The following VWA3B variants were observed in gnomAD, a reference collection of about 807,000 sequenced individuals.
VWA3B encodes von Willebrand factor A domain containing 3B, also known as von Willebrand factor A domain-containing protein 3B.
A neutral mutation model predicts 158.3 loss-of-function variants in VWA3B; 138 were observed. The observed-to-expected ratio is 0.87, with a 90% CI of 0.76 to 1.00. VWA3B has a LOEUF of 1.00. Among genes scored for constraint, VWA3B ranks in the 50% least tolerant of loss-of-function variants. VWA3B has a pLI of 0.00. For missense variants in VWA3B, 1,555 were observed against 1,565.1 expected, an observed-to-expected ratio of 0.99 and a Z score of 0.11; for synonymous variants, 596 against 587.3, an observed-to-expected ratio of 1.01 and a Z score of -0.21.
At chr2:98,291,089 G>A (rs1689467903) in intron 23 of VWA3B, 1 of 156,274 alleles carries the variant, frequency 6.4e-6, no homozygotes, top group African/African-American at 2.4e-5. Flanking sequence ...TGAGGGTTTT[G>A]ATTCTATATT....
chr2:98,265,490 G>T (rs1215090478), intron 21 of VWA3B, among the ~76,000 whole-genome samples: 1 of 152,040 alleles, frequency 6.6e-6, no homozygotes, highest in Non-Finnish European at 1.5e-5. Flanking sequence ...TGTGAATAAT[G>T]CCTCAATAAA....
intron 19 of VWA3B, among the ~76,000 whole-genome samples, chr2:98,237,091 G>T (rs901748112): frequency 6.6e-6 from 1 of 152,224 alleles, no homozygotes; most frequent in African/African-American, 2.4e-5. Context: ...TGGGAGAATC[G>T]CTTGAGCCTG....
intron 18 of VWA3B, 45 bp from the exon 19 acceptor site, chr2:98,236,529 C>T (rs1323961290): frequency 1.9e-6 from 3 of 1,613,770 alleles, no homozygotes; most frequent in Non-Finnish European, 2.5e-6. Flanking sequence ...TGTTGGTTAA[C>T]CATCAAGTTG....
chr2:98,090,235 A>G (rs1358970798), intron 1 of VWA3B, among the ~76,000 whole-genome samples: 2 of 152,208 alleles, frequency 1.3e-5, no homozygotes, highest in Admixed American at 6.5e-5. Context: ...ATCCTCAAAA[A>G]CAAGTTGAGG....
At chr2:98,090,589 G>A (rs13427118) in intron 1 of VWA3B, among the ~76,000 whole-genome samples, 71,595 of 151,860 alleles carry the variant, frequency 0.47, 17,831 homozygotes, top group African/African-American at 0.61. Flanking sequence ...CCACTCCTAC[G>A]TGATGCTCTC....
intron 14 of VWA3B, among the ~76,000 whole-genome samples, chr2:98,218,652 C>T (rs1046677585): frequency 6.6e-6 from 1 of 152,254 alleles, no homozygotes; most frequent in African/African-American, 2.4e-5. Context: ...ATCCTCCAGA[C>T]TTGGCCTGTG....
intron 26 of VWA3B, 114 bp downstream of exon 26, chr2:98,303,916 C>A: frequency 1.0e-6 from 1 of 953,318 alleles, no homozygotes; most frequent in Non-Finnish European, 1.6e-6. Context: ...AGTAGAGATG[C>A]AGAATGTCCT....
At chr2:98,231,505 G>C (rs1685332306) in intron 16 of VWA3B, among the ~76,000 whole-genome samples, 1 of 152,156 alleles carries the variant, frequency 6.6e-6, no homozygotes, top group Admixed American at 6.5e-5. Context: ...TCAATGGAGG[G>C]AGTATAGCCC....
At chr2:98,095,139 T>C (rs1682626971) in intron 2 of VWA3B, among the ~76,000 whole-genome samples, 1 of 152,226 alleles carries the variant, frequency 6.6e-6, no homozygotes, top group African/African-American at 2.4e-5. Flanking sequence ...AATTTAAGGA[T>C]TGTTTTTTCT....
At chr2:98,192,762 G>C (rs903446369) in intron 10 of VWA3B, 136 bp from the exon 11 acceptor site, 1 of 1,226,390 alleles carries the variant, frequency 8.2e-7, no homozygotes, top group Admixed American at 2.0e-5. Context: ...CAAAGCGAAT[G>C]ATCTACTCAC....
At chr2:98,151,107 T>C (rs1330879483) in intron 7 of VWA3B, among the ~76,000 whole-genome samples, 2 of 152,044 alleles carry the variant, frequency 1.3e-5, no homozygotes, top group African/African-American at 4.8e-5. Context: ...GACTCTCCTT[T>C]AACTAGTGCT....
chr2:98,174,187 G>A (rs966581358), intron 8 of VWA3B, among the ~76,000 whole-genome samples: 2 of 152,126 alleles, frequency 1.3e-5, no homozygotes, highest in African/African-American at 4.8e-5. Flanking sequence ...CAGCAATCTG[G>A]GAAGTGTTTA....
In VWA3B at chr2:98,216,175, A is replaced by T. The variant is rs368836364; in HGVS notation, c.1837-1671A>T. ...CCGAGGGAGCATTATAAGGTGACAC[A>T]GTCTTTAAAATTAAGCAGGTCAAAA... is the stretch of plus-strand genomic sequence containing the variant. On this transcript the variant is annotated intron_variant, in intron 13 of 27. Transcript: ENST00000477737. 4.1e-4 allele frequency among the ~76,000 whole-genome samples: 62 copies of T among 152,368 alleles called. 1 individual carries two copies. The South Asian group carries it at 0.013, about 32-fold the overall frequency.
chr2:98,209,237 G>T (rs547466819), intron 12 of VWA3B, among the ~76,000 whole-genome samples: 3 of 152,088 alleles, frequency 2.0e-5, no homozygotes, highest in Non-Finnish European at 4.4e-5. Context: ...TTAGCTTCTT[G>T]AATTGTAGTT....
At chr2:98,296,110 G>C (rs944501091) in intron 23 of VWA3B, among the ~76,000 whole-genome samples, 1 of 152,250 alleles carries the variant, frequency 6.6e-6, no homozygotes, top group Non-Finnish European at 1.5e-5. Flanking sequence ...GGCTACACAG[G>C]CTCTGTCACA....
chr2:98,199,639 C>T (rs1196307720), intron 12 of VWA3B, among the ~76,000 whole-genome samples: 1 of 152,166 alleles, frequency 6.6e-6, no homozygotes, highest in Non-Finnish European at 1.5e-5. Flanking sequence ...GCTGGTCCTT[C>T]GCTCCAGAGT....
the VWA3B span, among the ~76,000 whole-genome samples, chr2:98,320,000 T>C: frequency 6.6e-6 from 1 of 152,150 alleles, no homozygotes; most frequent in Admixed American, 6.5e-5. Flanking sequence ...CAGGTAACAA[T>C]TTTAAGATCT....
intron 8 of VWA3B, among the ~76,000 whole-genome samples, chr2:98,177,828 T>C (rs1331432144): frequency 6.6e-6 from 1 of 152,156 alleles, no homozygotes; most frequent in African/African-American, 2.4e-5. Context: ...GGAAGTTCTG[T>C]GGTACACTTG....
intron 7 of VWA3B, among the ~76,000 whole-genome samples, chr2:98,139,282 C>T (rs1344879992): frequency 6.6e-6 from 1 of 152,220 alleles, no homozygotes; most frequent in East Asian, 1.9e-4. Context: ...CCTGAGCCTT[C>T]CCCCGCCTCC....
Sources: gnomAD v4.1 joint callset for allele counts (sites outside exome capture counted in the v4.1 genomes callset) on GRCh38, gnomAD v4.1.1 for gene constraint, MANE v1.5 for transcripts, NCBI Gene and HGNC (gene_info 2026-07-23, HGNC 2026-07-21) for gene names.